MID1: variants seen among roughly 807,000 people sequenced by gnomAD.
The protein encoded by MID1 is midline 1.
MID1 carries 7 observed loss-of-function variants against 40.4 expected under a neutral mutation model. The observed-to-expected ratio is 0.17, with a 90% CI of 0.10 to 0.33. The LOEUF (loss-of-function observed/expected upper bound fraction) is 0.33. Among genes scored for constraint, MID1 ranks in the 10% least tolerant of loss-of-function variants. The pLI is 1.00. For synonymous variants in MID1, 229 were observed against 221.2 expected (o/e 1.04, Z -0.31); for missense variants, 367 against 558.5 (o/e 0.66, Z 3.46).
intron 1 of MID1, among the ~76,000 whole-genome samples, chrX:10,599,448 T>G (rs1343885317): frequency 8.9e-6 from 1 of 112,467 alleles, no homozygotes; most frequent in Non-Finnish European, 1.9e-5. Flanking sequence ...CTCTTCCATG[T>G]GTTAATTTTC....
intron 1 of MID1, among the ~76,000 whole-genome samples, chrX:10,643,318 G>GA (rs1569136378): frequency 1.8e-5 from 2 of 111,454 alleles, no homozygotes. Context: ...AAATTTACAA[G>GA]AAAAAATCAA....
chrX:10,649,883 CTT>C (rs751192366), intron 1 of MID1, among the ~76,000 whole-genome samples: 52 of 112,012 alleles, frequency 4.6e-4, no homozygotes, highest in Admixed American at 9.5e-4. Context: ...TTTTTGAACA[CTT>C]AACGTGTCAA....
chrX:10,448,994 A>G lies in MID1; in HGVS notation c.*374T>C, dbSNP rs1928162397. ...GAAGATGAGTAACATACAAAACTAC[A>G]AAAGTTTTTGTTTTTTTGTAAGCCC... On this transcript the variant is annotated 3_prime_UTR_variant, in exon 10 of 10. Coordinates refer to ENST00000317552, the MANE Select transcript of MID1 (RefSeq NM_000381.4). 1 of 159,323 alleles carries G rather than the reference A, an allele frequency of 6.3e-6. No homozygotes were observed. Among genetic ancestry groups the G allele is most frequent in the Non-Finnish European group, 1.2e-5 (1 of 83,497 alleles). 13.1% of individuals were successfully genotyped at this position (159,323 alleles called of 1,213,427 possible). A position where few individuals can be genotyped will look rare whatever the true frequency, so the allele number is the denominator to read the frequency against.
At chrX:10,823,082 T>A (rs1057149000) in intron 1 of MID1, among the ~76,000 whole-genome samples, 9 of 111,648 alleles carry the variant, frequency 8.1e-5, no homozygotes, top group African/African-American at 2.9e-4. Context: ...CAAATGCCCA[T>A]CAATGATAGA....
chrX:10,594,049 G>A (rs767922248), intron 1 of MID1, among the ~76,000 whole-genome samples: 118 of 111,096 alleles, frequency 1.1e-3, no homozygotes, highest in African/African-American at 3.8e-3. Flanking sequence ...AGATTTAGCC[G>A]TGGTACTGGT....
At chrX:10,704,830 T>G (rs1050435732) in intron 1 of MID1, among the ~76,000 whole-genome samples, 1 of 105,395 alleles carries the variant, frequency 9.5e-6, no homozygotes, top group Admixed American at 1.0e-4. Flanking sequence ...AGTGGCGCGA[T>G]CTAGGCTCAC....
In MID1 at chrX:10,617,014, T is replaced by C. The variant is rs12014769; in HGVS notation, c.-57+3276A>G. ...ACTGTTAAGAGTCTGGACTTTCAAA[T>C]GAAGGAAACCATACAACATACTTGG... On this transcript the variant is annotated intron_variant, in intron 1 of 9. Transcript: ENST00000317552. Among the ~76,000 whole-genome samples the C allele has an allele frequency of 5.3e-3, 592 of 112,526 alleles. 6 individuals carry two copies. Among genetic ancestry groups the C allele is most frequent in the African/African-American group, 0.018 (566 of 30,991 alleles).
intron 1 of MID1, among the ~76,000 whole-genome samples, chrX:10,662,533 C>G (rs112019942): frequency 0.14 from 15,665 of 110,412 alleles, 1,846 homozygotes; most frequent in African/African-American, 0.38. Flanking sequence ...GCATGTATAT[C>G]GGTGTGTAGG....
intron 1 of MID1, among the ~76,000 whole-genome samples, chrX:10,643,674 T>G (rs1936228946): frequency 9.0e-6 from 1 of 111,369 alleles, no homozygotes; most frequent in South Asian, 3.9e-4. Context: ...CAAAGGACTA[T>G]AAATCATGCT....
intron 1 of MID1, among the ~76,000 whole-genome samples, chrX:10,720,532 CAA>C (rs2147096102): frequency 9.0e-6 from 1 of 111,438 alleles, no homozygotes; most frequent in South Asian, 3.8e-4. Flanking sequence ...GGCGATCATT[CAA>C]AAGTCAGGAA....
At chrX:10,708,007 T>C (rs2043242587) in intron 1 of MID1, among the ~76,000 whole-genome samples, 1 of 113,015 alleles carries the variant, frequency 8.8e-6, no homozygotes, top group Non-Finnish European at 1.9e-5. Flanking sequence ...TTTAAATAAA[T>C]GTACCGTGTT....
chrX:10,705,828 C>A (rs992936181), intron 1 of MID1, among the ~76,000 whole-genome samples: 11 of 112,398 alleles, frequency 9.8e-5, no homozygotes, highest in African/African-American at 3.6e-4. Context: ...ACTGGCCAAT[C>A]TGCTAATTCG....
At chrX:10,623,993 G>GA (rs748212445), upstream of MID1, among the ~76,000 whole-genome samples, 13 of 110,540 alleles carry the variant, frequency 1.2e-4, no homozygotes, top group East Asian at 1.4e-3. Context: ...TCCCCACTTA[G>GA]AAAAAAAAAT....
Position 10,590,696 on chromosome X carries a change from T to C in MID1, c.-56-23093A>G, listed in dbSNP as rs984559183. Among the ~76,000 whole-genome samples, 4 of 112,600 alleles carry C rather than the reference T, an allele frequency of 3.6e-5. No homozygotes were observed. The Admixed American group carries it at 3.7e-4, about 11-fold the overall frequency. ...TTTAAAACATATTCTCAAGGCAGGCTAAAGTCTGAGAGATTCTTCTTGTAT... is the reference window on the plus strand; with the variant it reads ...TTTAAAACATATTCTCAAGGCAGGCCAAAGTCTGAGAGATTCTTCTTGTAT... On this transcript the variant is annotated intron_variant, in intron 1 of 9. Transcript: ENST00000317552.
At chrX:10,474,560 T>C (rs1929891620) in intron 6 of MID1, 63 bp downstream of exon 6, 4 of 1,118,195 alleles carry the variant, frequency 3.6e-6, no homozygotes, top group Non-Finnish European at 4.9e-6. Context: ...ATAACTGATC[T>C]GGTGGCAAAG....
chrX:10,612,680 T>C (rs977146480), intron 1 of MID1, among the ~76,000 whole-genome samples: 1 of 112,729 alleles, frequency 8.9e-6, no homozygotes, highest in Non-Finnish European at 1.9e-5. Context: ...GATGTAGTCT[T>C]TCCTGAGTTG....
At chrX:10,708,763 C>T (rs757663501) in intron 1 of MID1, among the ~76,000 whole-genome samples, 3 of 111,695 alleles carry the variant, frequency 2.7e-5, no homozygotes, top group Non-Finnish European at 5.6e-5. Context: ...TTAGCTGGTT[C>T]TCAGAAACAA....
At chrX:10,808,574 C>T (rs984215277) in intron 1 of MID1, among the ~76,000 whole-genome samples, 2 of 110,466 alleles carry the variant, frequency 1.8e-5, no homozygotes, top group Admixed American at 1.9e-4. Flanking sequence ...TGGTACACCT[C>T]CCTATGGTGC....
At chrX:10,504,781 G>T (rs1406681988) in intron 3 of MID1, among the ~76,000 whole-genome samples, 1 of 109,793 alleles carries the variant, frequency 9.1e-6, no homozygotes, top group Non-Finnish European at 1.9e-5. Flanking sequence ...TTTTGTAAAG[G>T]CCTAGATAGT....
Sources: gnomAD v4.1 joint callset for allele counts (sites outside exome capture counted in the v4.1 genomes callset) on GRCh38, gnomAD v4.1.1 for gene constraint, MANE v1.5 for transcripts, NCBI Gene and HGNC (gene_info 2026-07-23, HGNC 2026-07-21) for gene names.